Variants in CPAP observed in about 807,000 individuals in gnomAD.
CPAP encodes centrosomal P4.1-associated protein.
chr13:24,902,529 G>A, the CPAP span, among the ~76,000 whole-genome samples: 5 of 152,276 alleles, frequency 3.3e-5, no homozygotes, highest in South Asian at 2.1e-4. Context: ...TATAGTAACC[G>A]AATTTCCTTT....
the CPAP span, chr13:24,884,168 TC>T: frequency 6.2e-7 from 1 of 1,614,154 alleles, no homozygotes; most frequent in South Asian, 1.1e-5. Flanking sequence ...TACCTATTTG[TC>T]CACTTGAGAA....
At chr13:24,890,568 A>G in the CPAP span, among the ~76,000 whole-genome samples, 4 of 152,316 alleles carry the variant, frequency 2.6e-5, no homozygotes, top group Non-Finnish European at 5.9e-5. Context: ...ACTTGGTGGC[A>G]TTCACTTGGA....
the CPAP span, among the ~76,000 whole-genome samples, chr13:24,910,287 G>A: frequency 2.0e-4 from 30 of 152,190 alleles, no homozygotes; most frequent in East Asian, 1.3e-3. Context: ...GCAGTGGTGC[G>A]ATCTCAGCTC....
chr13:24,933,314 G>A, the CPAP span, among the ~76,000 whole-genome samples: 1 of 152,218 alleles, frequency 6.6e-6, no homozygotes, highest in Non-Finnish European at 1.5e-5. Context: ...GGCAGAGGAG[G>A]ACCAGCCCTG....
the CPAP span, among the ~76,000 whole-genome samples, chr13:24,923,062 G>A: frequency 2.0e-5 from 3 of 152,224 alleles, no homozygotes; most frequent in Non-Finnish European, 4.4e-5. Context: ...GTGGCGGGGC[G>A]GAAAACCGTT....
chr13:24,931,814 T>TC, the CPAP span, among the ~76,000 whole-genome samples: 2 of 152,236 alleles, frequency 1.3e-5, no homozygotes, highest in South Asian at 4.1e-4. Flanking sequence ...TTTTCTTCTT[T>TC]CCCGCCCTTG....
the CPAP span, among the ~76,000 whole-genome samples, chr13:24,912,379 C>T: frequency 8.5e-5 from 13 of 152,230 alleles, no homozygotes; most frequent in African/African-American, 2.9e-4. Context: ...TTACTTTTCG[C>T]CAAATGAGGT....
the CPAP span, among the ~76,000 whole-genome samples, chr13:24,917,769 A>T: frequency 6.6e-6 from 1 of 152,246 alleles, no homozygotes; most frequent in Non-Finnish European, 1.5e-5. Flanking sequence ...TATTTCTCAC[A>T]GTTCTGGAGC....
At chr13:24,919,012 G>T in the CPAP span, among the ~76,000 whole-genome samples, 816 of 151,450 alleles carry the variant, frequency 5.4e-3, 22 homozygotes, top group East Asian at 0.081. Flanking sequence ...TTATAAAAAA[G>T]CCTGGAAAGA....
the CPAP span, among the ~76,000 whole-genome samples, chr13:24,888,603 G>A: frequency 3.3e-5 from 5 of 152,154 alleles, 1 homozygote; most frequent in Middle Eastern, 6.3e-3. Flanking sequence ...CAACCATGTT[G>A]CAGAGCAAAG....
the CPAP span, among the ~76,000 whole-genome samples, chr13:24,902,387 G>C: frequency 6.6e-6 from 1 of 152,280 alleles, no homozygotes; most frequent in Admixed American, 6.5e-5. Context: ...ATTGGAATAA[G>C]TTCCACATTT....
chr13:24,932,845 AG>A, the CPAP span, among the ~76,000 whole-genome samples: 4 of 152,222 alleles, frequency 2.6e-5, no homozygotes, highest in African/African-American at 9.7e-5. Flanking sequence ...ACATGTTGCA[AG>A]CTATGATATT....
the CPAP span, among the ~76,000 whole-genome samples, chr13:24,888,361 A>AAC: frequency 3.3e-5 from 5 of 152,012 alleles, no homozygotes; most frequent in East Asian, 1.9e-4. Context: ...TATAAGGAGA[A>AAC]ACACACACAC....
the CPAP span, among the ~76,000 whole-genome samples, chr13:24,899,229 ATCT>A: frequency 1.3e-5 from 2 of 152,192 alleles, no homozygotes; most frequent in African/African-American, 4.8e-5. Context: ...AAGAACTGAA[ATCT>A]TCTACTCTTT....
chr13:24,911,477 T>C, the CPAP span, among the ~76,000 whole-genome samples: 5 of 152,288 alleles, frequency 3.3e-5, no homozygotes, highest in Admixed American at 3.3e-4. Context: ...ACAGTTTTCA[T>C]TCATCAGGCA....
chr13:24,911,550 G>T, the CPAP span, among the ~76,000 whole-genome samples: 3 of 151,844 alleles, frequency 2.0e-5, no homozygotes, highest in East Asian at 1.9e-4. Flanking sequence ...GACCTTTTTT[G>T]GGGGGACAGG....
At chr13:24,900,314 G>T in the CPAP span, among the ~76,000 whole-genome samples, 3 of 152,136 alleles carry the variant, frequency 2.0e-5, no homozygotes, top group Non-Finnish European at 4.4e-5. Context: ...GTGAGCAAAG[G>T]ATGGGTAGCA....
chr13:24,912,578 G>C, the CPAP span: 4 of 1,610,434 alleles, frequency 2.5e-6, no homozygotes, highest in South Asian at 4.4e-5. Context: ...AAATCCTATT[G>C]TACCTGTTCA....
the CPAP span, among the ~76,000 whole-genome samples, chr13:24,921,394 T>A: frequency 3.9e-5 from 6 of 152,218 alleles, no homozygotes; most frequent in Non-Finnish European, 7.3e-5. Flanking sequence ...ACCTGGTCTG[T>A]ACGCCTGGAA....
Sources: gnomAD v4.1 joint callset for allele counts (sites outside exome capture counted in the v4.1 genomes callset) on GRCh38, gnomAD v4.1.1 for gene constraint, MANE v1.5 for transcripts, NCBI Gene and HGNC (gene_info 2026-07-23, HGNC 2026-07-21) for gene names.